Variants in SMARCE1 observed in about 807,000 individuals in gnomAD.
SMARCE1 encodes SWI/SNF related BAF chromatin remodeling complex subunit E1, also known as SWI/SNF-related matrix-associated actin-dependent regulator of chromatin subfamily E member 1.
Under a neutral mutation model 54.9 loss-of-function variants are expected in SMARCE1, and 13 were observed. That is an observed-to-expected ratio of 0.24 (90% CI 0.15 to 0.38). The LOEUF (loss-of-function observed/expected upper bound fraction) is 0.38, where lower values mean the gene tolerates loss of function less well. Ranked by LOEUF, SMARCE1 falls within the 10% of genes least tolerant of loss-of-function variation. SMARCE1 has a pLI of 1.00. For synonymous variants in SMARCE1, 151 were observed against 175.3 expected, an observed-to-expected ratio of 0.86 and a Z score of 1.10; for missense variants, 295 against 523.8, an observed-to-expected ratio of 0.56 and a Z score of 4.26.
In SMARCE1 at chr17:40,642,446, T is replaced by C. The variant is rs2144009011; in HGVS notation, c.156+9A>G. 1.3e-6 allele frequency: 2 copies of C among 1,517,734 alleles called. No homozygotes were observed. Among genetic ancestry groups the C allele is most frequent in the Non-Finnish European group, 1.8e-6 (2 of 1,092,140 alleles). 94.0% of individuals were successfully genotyped at this position (1,517,734 alleles called of 1,614,324 possible). ...GTTTGCCGGATGCTGTAATAGTTGA[T>C]TCTCCTACCGTGACCCGGCTGTTGG... On this transcript the variant is annotated intron_variant, in intron 4 of 10. Transcript: ENST00000348513. The surrounding 1 kb of genome is among the most constrained non-coding windows in gnomAD (Gnocchi z 4.6).
At position 40,630,743 on chromosome 17, in the gene SMARCE1, T is replaced by C. The variant is rs948161312; in HGVS notation, c.998A>G (p.Lys333Arg). 6.2e-7 allele frequency: 1 copy of C among 1,614,170 alleles called. No individual in the cohort carries two copies. Among genetic ancestry groups the C allele is most frequent in the Admixed American group, 1.7e-5 (1 of 60,020 alleles). The change falls in exon 10 of 11, where the codon AAA becomes AGA. Residue 333 changes from lysine to arginine, a missense_variant. Lys to Arg is a conservative substitution (Grantham distance 26, BLOSUM62 2). Around this residue, in one of 5 missense-constraint regions of SMARCE1, gnomAD observed 147 missense variants for 161.4 expected, o/e 0.91. Transcript: ENST00000348513. ...CTCCATCGGAATGTTCTCGTCGTCT[T>C]TCTTCTCCTCGCCTTTGTTAGCTGC... ...EQAANKGEEK[K>R]DDENIPMETE...
intron 5 of SMARCE1, chr17:40,637,199 CCTTCA>C (rs2037155083): frequency 5.1e-6 from 2 of 394,618 alleles, no homozygotes; most frequent in Admixed American, 4.1e-5. Context: ...TTGCAGTCCT[CCTTCA>C]CTTAACATTT....
At chr17:40,631,766 A>G in intron 8 of SMARCE1, 73 bp from the exon 9 acceptor site, 1 of 836,384 alleles carries the variant, frequency 1.2e-6, no homozygotes, top group South Asian at 1.5e-5. Flanking sequence ...AGTGTACCAA[A>G]TAATGTTTTG....
chr17:40,646,325 T>C (rs1346012547), intron 1 of SMARCE1, among the ~76,000 whole-genome samples: 1 of 152,350 alleles, frequency 6.6e-6, no homozygotes, highest in Admixed American at 6.5e-5. Context: ...AGGTAATTGG[T>C]ATGACAATGA....
In SMARCE1 at chr17:40,635,845, A is replaced by C. The variant is rs2037141058; in HGVS notation, c.541+86T>G. ...TTATACTTTCTTTTCCATTTAGGAT[A>C]AGAAATAAAAACTTATACTTAAGAG... is the stretch of plus-strand genomic sequence containing the variant. On this transcript the variant is annotated intron_variant, in intron 7 of 10. Transcript: ENST00000348513. 4.0e-6 allele frequency: 4 copies of C among 1,002,492 alleles called. No individual in the cohort carries two copies. The Admixed American group carries it at 1.2e-4, about 29-fold the overall frequency. The allele number at this position is 1,002,492 out of a possible 1,614,324, so 62.1% of individuals were successfully genotyped here. A position where few individuals can be genotyped will look rare whatever the true frequency, so the allele number is the denominator to read the frequency against.
chr17:40,641,447 G>C (rs558300021), intron 4 of SMARCE1: 1 of 152,310 alleles, frequency 6.6e-6, no homozygotes, highest in South Asian at 2.1e-4. Context: ...TATCAAGATA[G>C]ACATTCATTT....
At chr17:40,641,030 G>C (rs2037194298) in intron 4 of SMARCE1, 1 of 152,164 alleles carries the variant, frequency 6.6e-6, no homozygotes. Flanking sequence ...TAATATTATA[G>C]TTATCATTTC....
chr17:40,644,866 T>A (rs2037238290), intron 3 of SMARCE1: 2 of 151,970 alleles, frequency 1.3e-5, no homozygotes, highest in South Asian at 4.2e-4. Context: ...AAACCCCCCC[T>A]CCCAAAAAAC....
intron 10 of SMARCE1, chr17:40,630,085 T>A: frequency 1.7e-6 from 1 of 594,904 alleles, no homozygotes. Context: ...GTTTACACAG[T>A]GTACTAGGCA....
chr17:40,635,576 G>T, intron 7 of SMARCE1: 1 of 162,058 alleles, frequency 6.2e-6, no homozygotes, highest in Non-Finnish European at 1.3e-5. Flanking sequence ...CTTTAATTCA[G>T]CGAATTTAGT....
At chr17:40,637,432 G>A in intron 5 of SMARCE1, 60 bp downstream of exon 5, 1 of 1,308,636 alleles carries the variant, frequency 7.6e-7, no homozygotes, top group South Asian at 1.2e-5. Flanking sequence ...AAAGTTGGAT[G>A]TTAAGCAAAG....
intron 10 of SMARCE1, chr17:40,630,167 T>G: frequency 9.8e-7 from 1 of 1,017,416 alleles, no homozygotes; most frequent in South Asian, 1.4e-5. Context: ...CAGTACTTTA[T>G]GTAAGTTTTA....
chr17:40,646,578 G>A (rs936518796), intron 1 of SMARCE1, among the ~76,000 whole-genome samples: 2 of 152,078 alleles, frequency 1.3e-5, no homozygotes, highest in African/African-American at 4.8e-5. Flanking sequence ...TAGATTGTAT[G>A]CTACTTGGAA....
rs2037211406 is a variant in SMARCE1, at chr17:40,642,733, A to C, written c.52-174T>G. Reference sequence around the variant, plus strand: ...TGAGGAAATTAAATATTTTTCTTTCATTGAGAAACCTGTCTGCAGTGTCTT... The same window carrying C: ...TGAGGAAATTAAATATTTTTCTTTCCTTGAGAAACCTGTCTGCAGTGTCTT... On this transcript the variant is annotated intron_variant, in intron 3 of 10. Coordinates refer to ENST00000348513, the MANE Select transcript of SMARCE1 (RefSeq NM_003079.5). The surrounding 1 kb of genome is among the most constrained non-coding windows in gnomAD (Gnocchi z 4.6). Among the ~76,000 whole-genome samples, 1 of 152,168 alleles carries C rather than the reference A, an allele frequency of 6.6e-6. No individual in the cohort carries two copies. Among genetic ancestry groups the C allele is most frequent in the Admixed American group, 6.5e-5 (1 of 15,282 alleles).
At position 40,628,456 on chromosome 17, in the gene SMARCE1, G is replaced by A. The variant is rs1311793793; in HGVS notation, c.*329C>T. 3 of 266,940 alleles carry A rather than the reference G, an allele frequency of 1.1e-5. No individual in the cohort carries two copies. The East Asian group carries it at 2.9e-4, about 26-fold the overall frequency. The allele number at this position is 266,940 out of a possible 1,614,324, so 16.5% of individuals were successfully genotyped here. ...ATGGCTTTGGTAAGCACCCCAGTGA[G>A]CTGTAGGAAGGCATTGTAAGAGTAG... On this transcript the variant is annotated 3_prime_UTR_variant, in exon 11 of 11. Coordinates refer to ENST00000348513, the MANE Select transcript of SMARCE1 (RefSeq NM_003079.5).
Position 40,629,081 on chromosome 17 carries a change from G to C in SMARCE1, c.1028-88C>G, listed in dbSNP as rs551000303. 2,139 of 1,053,240 alleles carry C rather than the reference G, an allele frequency of 2.0e-3. 7 individuals carry two copies. Among genetic ancestry groups the C allele is most frequent in the Non-Finnish European group, 2.6e-3 (1,803 of 692,284 alleles). The allele number at this position is 1,053,240 out of a possible 1,614,324, so 65.2% of individuals were successfully genotyped here. A position where few individuals can be genotyped will look rare whatever the true frequency, so the allele number is the denominator to read the frequency against. ...GTATACAGCTGTGCTGTCCAATATA[G>C]AAGCCACTAGCCACATGTGGTTATT... On this transcript the variant is annotated intron_variant, in intron 10 of 10. Coordinates refer to ENST00000348513, the MANE Select transcript of SMARCE1 (RefSeq NM_003079.5).
rs2143973909 is a variant in SMARCE1, at chr17:40,625,159, A to C, written c.*3626T>G. 1 of 152,380 alleles carries C rather than the reference A, an allele frequency of 6.6e-6. No individual in the cohort carries two copies. Among genetic ancestry groups the C allele is most frequent in the Non-Finnish European group, 1.5e-5 (1 of 68,032 alleles). 9.4% of individuals were successfully genotyped at this position (152,380 alleles called of 1,614,324 possible). A position where few individuals can be genotyped will look rare whatever the true frequency, so the allele number is the denominator to read the frequency against. ...TTTGTAGATGAAATTGTACACTGGC[A>C]ATTTCTTATGGTTCAACCTAATAGT... On this transcript the variant is annotated 3_prime_UTR_variant, in exon 11 of 11. Coordinates refer to ENST00000348513, the MANE Select transcript of SMARCE1 (RefSeq NM_003079.5).
Position 40,642,682 on chromosome 17 carries a change from G to A in SMARCE1, c.52-123C>T. 3.1e-6 allele frequency: 2 copies of A among 641,402 alleles called. No individual in the cohort carries two copies. The highest frequency in any genetic ancestry group is 2.8e-6 in the Non-Finnish European group (1 of 360,962). The allele number at this position is 641,402 out of a possible 1,614,324, so 39.7% of individuals were successfully genotyped here. A position where few individuals can be genotyped will look rare whatever the true frequency, so the allele number is the denominator to read the frequency against. On this transcript the variant is annotated intron_variant, in intron 3 of 10. Coordinates refer to ENST00000348513, the MANE Select transcript of SMARCE1 (RefSeq NM_003079.5). The surrounding 1 kb of genome is among the most constrained non-coding windows in gnomAD (Gnocchi z 4.6). ...AACCTGAATTTAAACAAGCAATGATGTGTTGTAATTGTTCTTTTTTTCCAC... is the reference window on the plus strand; with the variant it reads ...AACCTGAATTTAAACAAGCAATGATATGTTGTAATTGTTCTTTTTTTCCAC...
Position 40,632,308 on chromosome 17 carries a change from G to A in SMARCE1, c.601C>T (p.Arg201Cys), listed in dbSNP as rs1567845807. ...TCACTAAGAATTTCACTGATGAGGC[G>A]GTGGTTTCTCTGGAAACGGGCGGTG... is the stretch of plus-strand genomic sequence containing the variant. ...TATARFQRNH[R>C]LISEILSESV... Residue 201 changes from arginine to cysteine, a missense_variant, in exon 8 of 11, where the codon CGC becomes TGC. Transcript: ENST00000348513. 2 of 1,613,930 alleles carry A rather than the reference G, an allele frequency of 1.2e-6. No individual in the cohort carries two copies. The highest frequency in any genetic ancestry group is 1.7e-6 in the Non-Finnish European group (2 of 1,179,836).
Sources: allele counts gnomAD v4.1 joint callset (sites outside exome capture counted in the v4.1 genomes callset), GRCh38; gene constraint gnomAD v4.1.1; regional missense constraint gnomAD v4.1.1; non-coding constraint Gnocchi (gnomAD v3.1); transcripts MANE v1.5; gene names NCBI Gene and HGNC (gene_info 2026-07-23, HGNC 2026-07-21).